The following COL15A1 variants were observed in gnomAD, a reference collection of about 807,000 sequenced individuals.
COL15A1 encodes collagen type XV alpha 1 chain.
In COL15A1, 111 loss-of-function variants were observed where a neutral mutation model predicts 165.9. That is an observed-to-expected ratio of 0.67 (90% CI 0.57 to 0.78). The LOEUF (loss-of-function observed/expected upper bound fraction) is 0.78. COL15A1 is among the 30% of genes least tolerant of loss of function. The pLI, the probability that COL15A1 is intolerant of heterozygous loss-of-function variation, is 0.00. For synonymous variants in COL15A1, 659 were observed against 674.8 expected, an observed-to-expected ratio of 0.98 and a Z score of 0.36; for missense variants, 1,745 against 1,789.7, an observed-to-expected ratio of 0.98 and a Z score of 0.45.
intron 2 of COL15A1, among the ~76,000 whole-genome samples, chr9:98,974,676 C>A (rs149498017): frequency 6.6e-6 from 1 of 152,210 alleles, no homozygotes; most frequent in Admixed American, 6.5e-5. Context: ...CCTACATACC[C>A]TCATCCTACT....
chr9:99,040,706 A>G (rs773699305), intron 23 of COL15A1, 150 bp downstream of exon 23: 13 of 1,430,002 alleles, frequency 9.1e-6, no homozygotes, highest in African/African-American at 1.4e-5. Flanking sequence ...TTTGATAGAT[A>G]TGGGGTTTTG....
At chr9:99,005,140 A>C in intron 9 of COL15A1, 90 bp downstream of exon 9, 2 of 1,360,954 alleles carry the variant, frequency 1.5e-6, no homozygotes, top group Non-Finnish European at 2.0e-6. Context: ...CAGCAAACCC[A>C]TGGGAGCCTG....
At chr9:98,968,809 G>A (rs1252103810) in intron 2 of COL15A1, among the ~76,000 whole-genome samples, 1 of 152,162 alleles carries the variant, frequency 6.6e-6, no homozygotes, top group Non-Finnish European at 1.5e-5. Flanking sequence ...GGGGGCGGGG[G>A]CGGGGAAGGA....
intron 19 of COL15A1, 150 bp downstream of exon 19, chr9:99,035,568 G>A: frequency 1.1e-6 from 1 of 879,594 alleles, no homozygotes; most frequent in Non-Finnish European, 1.8e-6. Context: ...GAAATGAGAT[G>A]CTCTTTACAG....
At chr9:99,031,112 C>T (rs932089676) in intron 16 of COL15A1, among the ~76,000 whole-genome samples, 1 of 152,166 alleles carries the variant, frequency 6.6e-6, no homozygotes, top group Non-Finnish European at 1.5e-5. Context: ...CTGCTGGCTC[C>T]TTTGCCACAG....
chr9:99,015,847 G>A (rs888930101), intron 10 of COL15A1, 129 bp from the exon 11 acceptor site: 1 of 1,113,216 alleles, frequency 9.0e-7, no homozygotes, highest in Non-Finnish European at 1.3e-6. Flanking sequence ...GGGTGTGCTG[G>A]GGGTAACGAT....
At chr9:99,015,654 G>A (rs1838920059) in intron 10 of COL15A1, 88 bp downstream of exon 10, 7 of 1,288,064 alleles carry the variant, frequency 5.4e-6, no homozygotes, top group Admixed American at 2.0e-5. Flanking sequence ...CTTGGCAGGG[G>A]CACCTGTAGC....
At chr9:98,954,225 A>G (rs994907014) in intron 2 of COL15A1, among the ~76,000 whole-genome samples, 1 of 152,226 alleles carries the variant, frequency 6.6e-6, no homozygotes, top group Non-Finnish European at 1.5e-5. Flanking sequence ...TTTTTTCAAT[A>G]AAATTTTAAA....
In COL15A1 at chr9:98,947,680, T is replaced by G. The variant is rs375374134; in HGVS notation, c.100+3430T>G. Among the ~76,000 whole-genome samples, 75 of 152,248 alleles carry G rather than the reference T, an allele frequency of 4.9e-4. 1 individual carries two copies. The South Asian group carries it at 9.3e-3, about 19-fold the overall frequency. Reference sequence around the variant, plus strand: ...GCTGCTGGCCTCTTAGGGCATTGATTCTCTCAGAAAATGGGTCCAGAGTTC... The same window carrying G: ...GCTGCTGGCCTCTTAGGGCATTGATGCTCTCAGAAAATGGGTCCAGAGTTC... On this transcript the variant is annotated intron_variant, in intron 2 of 41. Coordinates refer to ENST00000375001, the MANE Select transcript of COL15A1 (RefSeq NM_001855.5).
chr9:99,066,356 T>C (rs1825889910), intron 39 of COL15A1, among the ~76,000 whole-genome samples: 1 of 152,178 alleles, frequency 6.6e-6, no homozygotes, highest in Non-Finnish European at 1.5e-5. Flanking sequence ...GTCTTAGTCA[T>C]AGGTGCCATA....
Position 99,066,876 on chromosome 9 carries a change from T to A in COL15A1, c.3652-6T>A. 6.2e-7 allele frequency: 1 copy of A among 1,610,724 alleles called. No individual in the cohort carries two copies. Among genetic ancestry groups the A allele is most frequent in the Non-Finnish European group, 8.5e-7 (1 of 1,178,440 alleles). ...TGACTGCTCTCTTTTGTCTCACATT[T>A]TTCAGCTGCATTTGGCTGCTCTGAA... On this transcript the variant is annotated splice_polypyrimidine_tract_variant and splice_region_variant and intron_variant, in intron 39 of 41. Coordinates refer to ENST00000375001, the MANE Select transcript of COL15A1 (RefSeq NM_001855.5).
chr9:98,989,699 G>A (rs1838382859), intron 5 of COL15A1, among the ~76,000 whole-genome samples: 1 of 152,194 alleles, frequency 6.6e-6, no homozygotes, highest in Non-Finnish European at 1.5e-5. Context: ...GAGGGAAATG[G>A]CCCTGAACGA....
At position 98,969,984 on chromosome 9, in the gene COL15A1, G is replaced by A. The variant is rs572649363; in HGVS notation, c.101-15581G>A. ...GTTTGTGCAGCCTCCCCATGCCCAAGCCACACCTGAACCAGCTCAATCAAC... is the reference window on the plus strand; with the variant it reads ...GTTTGTGCAGCCTCCCCATGCCCAAACCACACCTGAACCAGCTCAATCAAC... On this transcript the variant is annotated intron_variant, in intron 2 of 41. Coordinates refer to ENST00000375001, the MANE Select transcript of COL15A1 (RefSeq NM_001855.5). Among the ~76,000 whole-genome samples, 7 of 150,582 alleles carry A rather than the reference G, an allele frequency of 4.6e-5. No individual in the cohort carries two copies. The South Asian group carries it at 1.5e-3, about 32-fold the overall frequency.
rs759670653 is a variant in COL15A1 at position 99,004,964 on chromosome 9, C to A, written c.1267C>A (p.Pro423Thr). Reference sequence around the variant, plus strand: ...GGAGGCCGAGGCACTCGCCAGCATGCCTGGGGAAGTGGAGGCCAGTGGTGT... The same window carrying A: ...GGAGGCCGAGGCACTCGCCAGCATGACTGGGGAAGTGGAGGCCAGTGGTGT... The part of the protein sequence containing the change: ...AGEAEALASM[P>T]GEVEASGVAP... The change falls in exon 9 of 42, where the codon CCT (proline) becomes ACT (threonine). Residue 423 changes from proline (P) to threonine (T), a missense_variant. By Grantham distance (38) the Pro-to-Thr change is conservative (BLOSUM62 -1). Coordinates refer to ENST00000375001, the MANE Select transcript of COL15A1 (RefSeq NM_001855.5). The A allele has an allele frequency of 1.9e-6, 3 of 1,614,056 alleles. No individual in the cohort carries two copies. The highest frequency in any genetic ancestry group is 2.5e-6 in the Non-Finnish European group (3 of 1,179,952).
At chr9:98,952,771 C>A (rs963265309) in intron 2 of COL15A1, among the ~76,000 whole-genome samples, 1 of 152,186 alleles carries the variant, frequency 6.6e-6, no homozygotes, top group African/African-American at 2.4e-5. Flanking sequence ...TGAGCTATTG[C>A]CTCATCACTG....
rs776284906 is a variant in COL15A1, at chr9:99,047,988, G to A, written c.2781G>A (p.Gly927=). 2 of 1,580,124 alleles carry A rather than the reference G, an allele frequency of 1.3e-6. No individual in the cohort carries two copies. Among genetic ancestry groups the A allele is most frequent in the Non-Finnish European group, 1.7e-6 (2 of 1,157,708 alleles). Residue 927 remains glycine (G), a synonymous_variant, in exon 28 of 42, where the codon GGG becomes GGA. Transcript: ENST00000375001. ...NGLKGTKGDP[G]VIMQGPPGLP... ...TCAAGGGTACCAAAGGAGATCCAGG[G>A]GTCATTATGCAGGTGAGTCACCCTG...
intron 31 of COL15A1, 56 bp downstream of exon 31, chr9:99,052,489 G>A: frequency 7.0e-7 from 1 of 1,430,932 alleles, no homozygotes. Flanking sequence ...TGAGGAAGAT[G>A]GTTTTCCTTT....
At chr9:98,994,711 G>A (rs1236953653) in intron 5 of COL15A1, among the ~76,000 whole-genome samples, 1 of 152,148 alleles carries the variant, frequency 6.6e-6, no homozygotes, top group Non-Finnish European at 1.5e-5. Flanking sequence ...TGATTGTGTG[G>A]ACGTGAGCCT....
intron 35 of COL15A1, among the ~76,000 whole-genome samples, chr9:99,058,505 G>T (rs754199275): frequency 6.6e-6 from 1 of 152,162 alleles, no homozygotes; most frequent in Non-Finnish European, 1.5e-5. Flanking sequence ...GCATATTACA[G>T]GGTGAGTGCA....
Sources: allele counts gnomAD v4.1 joint callset (sites outside exome capture counted in the v4.1 genomes callset), GRCh38; gene constraint gnomAD v4.1.1; transcripts MANE v1.5; gene names NCBI Gene and HGNC (gene_info 2026-07-23, HGNC 2026-07-21).